SLC30A7: variants seen among roughly 807,000 people sequenced by gnomAD.
SLC30A7 encodes solute carrier family 30 member 7.
In SLC30A7, 35 loss-of-function variants were observed where a neutral mutation model predicts 46.0. The observed-to-expected ratio is 0.76, with a 90% CI of 0.58 to 1.01. The LOEUF is 1.01. SLC30A7 is among the 50% of genes least tolerant of loss of function. The probability of loss-of-function intolerance (pLI) is 0.00; values close to 1 mark genes in which losing one functional copy is unlikely to be tolerated. For synonymous variants in SLC30A7, 147 were observed against 157.8 expected (o/e 0.93, Z 0.51); for missense variants, 464 against 451.1 (o/e 1.03, Z -0.26).
At chr1:100,986,852 T>C in the SLC30A7 span, among the ~76,000 whole-genome samples, 1 of 152,308 alleles carries the variant, frequency 6.6e-6, no homozygotes, top group South Asian at 2.1e-4. Context: ...TGGAATAGTG[T>C]TTCACTACAT....
At chr1:100,970,937 A>T (rs1014175379) in intron 10 of SLC30A7, among the ~76,000 whole-genome samples, 1 of 152,160 alleles carries the variant, frequency 6.6e-6, no homozygotes, top group Non-Finnish European at 1.5e-5. Context: ...TCCACAAAAC[A>T]CAAAAGATGG....
chr1:100,908,364 A>G (rs1008291769), intron 3 of SLC30A7, among the ~76,000 whole-genome samples: 1 of 152,174 alleles, frequency 6.6e-6, no homozygotes, highest in Non-Finnish European at 1.5e-5. Context: ...TGATCTAATG[A>G]TGTAAAAACA....
intron 8 of SLC30A7, among the ~76,000 whole-genome samples, chr1:100,950,025 G>A (rs1477448224): frequency 1.3e-5 from 2 of 152,198 alleles, no homozygotes; most frequent in Non-Finnish European, 2.9e-5. Flanking sequence ...TGCACCCACT[G>A]TCCAACCAGG....
chr1:100,907,974 C>G (rs1229709778), intron 3 of SLC30A7, among the ~76,000 whole-genome samples: 4 of 151,574 alleles, frequency 2.6e-5, no homozygotes, highest in Non-Finnish European at 5.9e-5. Flanking sequence ...TTTCCTTTAC[C>G]TTTTAACCCT....
chr1:100,986,113 C>T (rs951108214), downstream of SLC30A7, among the ~76,000 whole-genome samples: 4 of 152,124 alleles, frequency 2.6e-5, no homozygotes, highest in East Asian at 7.7e-4. Context: ...AAAACCACAA[C>T]AAAGACACCA....
chr1:100,912,597 A>G (rs572105580), intron 5 of SLC30A7, among the ~76,000 whole-genome samples: 2 of 152,234 alleles, frequency 1.3e-5, no homozygotes, highest in East Asian at 3.9e-4. Flanking sequence ...GCCAAGGCAG[A>G]TGGATCACTT....
chr1:100,912,130 G>T lies in SLC30A7; in HGVS notation c.403G>T (p.Asp135Tyr). Residue 135 changes from aspartate to tyrosine, a missense_variant, in exon 5 of 11, where the codon GAT becomes TAT. By Grantham distance (160) the Asp-to-Tyr change is radical (BLOSUM62 -3). Coordinates refer to ENST00000357650, the MANE Select transcript of SLC30A7 (RefSeq NM_133496.5). Reference sequence around the variant, plus strand: ...TTTCTAGAGAGCATTAGCCCCTCCAGATGTCCACCATGAGAGACTGCTTCT... The same window carrying T: ...TTTCTAGAGAGCATTAGCCCCTCCATATGTCCACCATGAGAGACTGCTTCT... ...EGVERALAPP[D>Y]VHHERLLLVS... 2 of 1,613,768 alleles carry T rather than the reference G, an allele frequency of 1.2e-6. No homozygotes were observed. Among genetic ancestry groups the T allele is most frequent in the Non-Finnish European group, 1.7e-6 (2 of 1,179,758 alleles).
chr1:100,906,601 C>A (rs978246962), intron 2 of SLC30A7, among the ~76,000 whole-genome samples: 2 of 152,160 alleles, frequency 1.3e-5, no homozygotes, highest in Non-Finnish European at 2.9e-5. Flanking sequence ...ATTCCTACCC[C>A]TCACCCAGCA....
chr1:100,947,249 A>G (rs1654690792), intron 8 of SLC30A7, among the ~76,000 whole-genome samples: 1 of 152,176 alleles, frequency 6.6e-6, no homozygotes, highest in Non-Finnish European at 1.5e-5. Context: ...AGATTCTGGT[A>G]CATTGTGTCG....
chr1:100,984,012 T>C (rs895377959), downstream of SLC30A7, among the ~76,000 whole-genome samples: 1 of 152,230 alleles, frequency 6.6e-6, no homozygotes, highest in Non-Finnish European at 1.5e-5. Context: ...ACAGGTCATA[T>C]TGGTTTCTAC....
At chr1:100,958,378 G>A (rs113736544) in intron 8 of SLC30A7, among the ~76,000 whole-genome samples, 11 of 152,148 alleles carry the variant, frequency 7.2e-5, no homozygotes, top group African/African-American at 1.2e-4. Flanking sequence ...GGATTTCACC[G>A]TGTTAGCCAG....
At chr1:100,957,751 C>T (rs1174235055) in intron 8 of SLC30A7, among the ~76,000 whole-genome samples, 2 of 152,078 alleles carry the variant, frequency 1.3e-5, no homozygotes, top group Admixed American at 6.5e-5. Context: ...TTTTCTAATT[C>T]TCAAACATAA....
Position 100,943,096 on chromosome 1 carries a change from AT to A in SLC30A7, c.843-18731del, listed in dbSNP as rs1317362442. Among the ~76,000 whole-genome samples, 5 of 152,312 alleles carry A rather than the reference AT, an allele frequency of 3.3e-5. No individual in the cohort carries two copies. The East Asian group carries it at 9.7e-4, about 29-fold the overall frequency. On this transcript the variant is annotated intron_variant, in intron 8 of 10. Coordinates refer to ENST00000357650, the MANE Select transcript of SLC30A7 (RefSeq NM_133496.5). ...GTTCTCCAGCAGACAGTAGCTGAGT[AT>A]CCTCTAATTCAGTTCAATTCTGACA...
intron 8 of SLC30A7, chr1:100,941,823 C>A (rs1654368156): frequency 1.9e-6 from 1 of 538,448 alleles, no homozygotes; most frequent in Non-Finnish European, 3.5e-6. Flanking sequence ...AAACCCAAGG[C>A]CCCTGGAGTG....
chr1:100,934,005 G>A (rs964004352), intron 8 of SLC30A7, among the ~76,000 whole-genome samples: 7 of 152,042 alleles, frequency 4.6e-5, no homozygotes, highest in Non-Finnish European at 7.4e-5. Flanking sequence ...ATATACATAC[G>A]TGTACATACC....
intron 3 of SLC30A7, among the ~76,000 whole-genome samples, chr1:100,908,096 C>T (rs1314341419): frequency 1.3e-5 from 2 of 151,968 alleles, no homozygotes; most frequent in Admixed American, 6.6e-5. Flanking sequence ...GATTCTCCTT[C>T]CCTGAGCTCT....
intron 8 of SLC30A7, among the ~76,000 whole-genome samples, chr1:100,938,837 C>CTT (rs1654145310): frequency 6.6e-6 from 1 of 152,172 alleles, no homozygotes; most frequent in African/African-American, 2.4e-5. Flanking sequence ...AATAATGTCT[C>CTT]TGTCTCTCAA....
chr1:100,992,646 C>A, the SLC30A7 span: 1 of 1,613,568 alleles, frequency 6.2e-7, no homozygotes, highest in Non-Finnish European at 8.5e-7. Context: ...CCTGGTTCTT[C>A]TCCTCGTATT....
At chr1:100,953,984 G>A (rs1193249359) in intron 8 of SLC30A7, among the ~76,000 whole-genome samples, 6 of 152,156 alleles carry the variant, frequency 3.9e-5, no homozygotes, top group Non-Finnish European at 8.8e-5. Flanking sequence ...ACTGAATTGG[G>A]AGGCTCTTCA....
Sources: gnomAD v4.1 joint callset for allele counts (sites outside exome capture counted in the v4.1 genomes callset) on GRCh38, gnomAD v4.1.1 for gene constraint, MANE v1.5 for transcripts, NCBI Gene and HGNC (gene_info 2026-07-23, HGNC 2026-07-21) for gene names.